Variants in CFAP70 observed in about 807,000 individuals in gnomAD.
The protein encoded by CFAP70 is cilia- and flagella-associated protein 70.
Under a neutral mutation model 137.6 loss-of-function variants are expected in CFAP70, and 81 were observed. The ratio of observed to expected loss-of-function variants is 0.59; its 90% CI spans 0.49 to 0.71. The LOEUF is 0.71. CFAP70 is among the 30% of genes least tolerant of loss of function. The pLI, the probability that CFAP70 is intolerant of heterozygous loss-of-function variation, is 0.00. For missense variants in CFAP70, 976 were observed against 1,226.7 expected (o/e 0.80, Z 3.05); for synonymous variants, 382 against 423.6 (o/e 0.90, Z 1.20).
exon 25 of CFAP70, chr10:73,269,628 G>C (rs2046074136): frequency 1.2e-6 from 2 of 1,612,912 alleles, no homozygotes; most frequent in South Asian, 1.1e-5. Flanking sequence ...AGGCAGACCA[G>C]AGCCAGATAT....
intron 6 of CFAP70, among the ~76,000 whole-genome samples, chr10:73,336,534 T>C (rs1012004341): frequency 1.3e-5 from 2 of 151,964 alleles, no homozygotes; most frequent in African/African-American, 2.4e-5. Context: ...ATCAGTGGAT[T>C]ATCAGCTCAT....
intron 8 of CFAP70, among the ~76,000 whole-genome samples, chr10:73,330,237 G>T (rs1338359879): frequency 6.6e-6 from 1 of 151,940 alleles, no homozygotes; most frequent in East Asian, 1.9e-4. Flanking sequence ...GGATCATGAG[G>T]TCAGGAGTTC....
At chr10:73,277,621 G>A (rs1250603602) in intron 20 of CFAP70, among the ~76,000 whole-genome samples, 1 of 151,930 alleles carries the variant, frequency 6.6e-6, no homozygotes, top group African/African-American at 2.4e-5. Flanking sequence ...GCTGAGGCAG[G>A]AGAATCACTT....
At chr10:73,294,657 C>T (rs546640712) in intron 15 of CFAP70, 3 of 152,346 alleles carry the variant, frequency 2.0e-5, no homozygotes, top group African/African-American at 7.2e-5. Context: ...TTTGCAGTAT[C>T]TAAGTTTTCT....
chr10:73,285,789 C>G (rs530815189), intron 19 of CFAP70, among the ~76,000 whole-genome samples: 8 of 151,858 alleles, frequency 5.3e-5, no homozygotes, highest in African/African-American at 1.7e-4. Context: ...CGCCCACCAC[C>G]ACACCTGGCT....
intron 12 of CFAP70, among the ~76,000 whole-genome samples, chr10:73,308,742 T>C (rs2049633053): frequency 8.2e-6 from 1 of 122,032 alleles, no homozygotes. Context: ...GAATATTAAA[T>C]AACTGAAATA....
At chr10:73,357,067 G>A (rs1038043114) in intron 1 of CFAP70, among the ~76,000 whole-genome samples, 1 of 152,172 alleles carries the variant, frequency 6.6e-6, no homozygotes, top group African/African-American at 2.4e-5. Context: ...GGAAAGAAGG[G>A]AGGAGTGAAA....
chr10:73,297,144 T>C (rs371078457), exon 15 of CFAP70: 37 of 1,613,636 alleles, frequency 2.3e-5, no homozygotes, highest in African/African-American at 1.7e-4. Flanking sequence ...TCTTCAAGTA[T>C]TTATCTCTCA....
intron 12 of CFAP70, among the ~76,000 whole-genome samples, chr10:73,306,500 G>A (rs12242031): frequency 0.11 from 16,068 of 152,078 alleles, 1,226 homozygotes; most frequent in East Asian, 0.3. Context: ...ATTAACAGCT[G>A]ATTTCTTATC....
At chr10:73,346,846 G>A (rs1299597949) in intron 4 of CFAP70, 1 of 152,160 alleles carries the variant, frequency 6.6e-6, no homozygotes, top group Non-Finnish European at 1.5e-5. Context: ...TTGGCTGGGG[G>A]TTGACATTTA....
chr10:73,324,329 C>T (rs182676404), intron 8 of CFAP70, among the ~76,000 whole-genome samples: 1 of 152,326 alleles, frequency 6.6e-6, no homozygotes, highest in African/African-American at 2.4e-5. Context: ...ACCAGAAACC[C>T]ATCTGTACAT....
chr10:73,294,071 C>T (rs2048366274), intron 15 of CFAP70: 1 of 152,102 alleles, frequency 6.6e-6, no homozygotes, highest in African/African-American at 2.4e-5. Context: ...AGGATAATTG[C>T]TAAGAAATGT....
intron 19 of CFAP70, among the ~76,000 whole-genome samples, chr10:73,281,453 G>A (rs994580394): frequency 2.6e-5 from 4 of 151,708 alleles, no homozygotes; most frequent in Non-Finnish European, 5.9e-5. Flanking sequence ...AGACCTGTGA[G>A]TTATTTAGAA....
In CFAP70 at chr10:73,306,591, A is replaced by G. The variant is rs375737355; in HGVS notation, c.1256+3567T>C. Among the ~76,000 whole-genome samples, 122 of 152,268 alleles carry G rather than the reference A, an allele frequency of 8.0e-4. 1 individual carries two copies. The South Asian group carries it at 0.018, about 22-fold the overall frequency. Reference sequence around the variant, plus strand: ...AAAAATTGACAACTAAGAATTCTATATCCAGGTGTCTCATGCCTATAATCC... The same window carrying G: ...AAAAATTGACAACTAAGAATTCTATGTCCAGGTGTCTCATGCCTATAATCC... On this transcript the variant is annotated intron_variant, in intron 12 of 26. Coordinates refer to ENST00000310715, the Ensembl canonical transcript of CFAP70.
At chr10:73,304,133 T>C (rs1299497078) in intron 12 of CFAP70, among the ~76,000 whole-genome samples, 1 of 152,146 alleles carries the variant, frequency 6.6e-6, no homozygotes, top group African/African-American at 2.4e-5. Flanking sequence ...CTCAGCTCAC[T>C]GCAACCTCCA....
At chr10:73,279,441 G>A (rs1403434320) in intron 19 of CFAP70, among the ~76,000 whole-genome samples, 8 of 151,568 alleles carry the variant, frequency 5.3e-5, no homozygotes, top group East Asian at 1.9e-4. Flanking sequence ...GGAGAATGGC[G>A]TGAACCCGGG....
intron 16 of CFAP70, among the ~76,000 whole-genome samples, 193 bp downstream of exon 17, chr10:73,293,070 C>T (rs1459169517): frequency 6.6e-6 from 1 of 152,078 alleles, no homozygotes; most frequent in Admixed American, 6.5e-5. Context: ...AAAAGACTAT[C>T]CTTTCTCCAT....
At chr10:73,300,388 T>C (rs888585399) in intron 12 of CFAP70, among the ~76,000 whole-genome samples, 2 of 152,230 alleles carry the variant, frequency 1.3e-5, no homozygotes, top group Non-Finnish European at 2.9e-5. Flanking sequence ...CTAGATCCTA[T>C]GTAATGATAT....
chr10:73,258,274 G>A (rs911801126), intron 25 of CFAP70, among the ~76,000 whole-genome samples: 1 of 152,182 alleles, frequency 6.6e-6, no homozygotes, highest in African/African-American at 2.4e-5. Context: ...AGATTTCTTG[G>A]ACATTTATTA....
Sources: allele counts gnomAD v4.1 joint callset (sites outside exome capture counted in the v4.1 genomes callset), GRCh38; gene constraint gnomAD v4.1.1; transcripts MANE v1.5; gene names NCBI Gene and HGNC (gene_info 2026-07-23, HGNC 2026-07-21).